Variants in RALYL observed in about 807,000 individuals in gnomAD.
RALYL encodes RNA-binding Raly-like protein.
In RALYL, 29 loss-of-function variants were observed where a neutral mutation model predicts 35.1. The ratio of observed to expected loss-of-function variants is 0.83; its 90% CI spans 0.61 to 1.13. The LOEUF is 1.13. Among genes scored for constraint, RALYL ranks in the 50% most tolerant of loss-of-function variants. The pLI, the probability that RALYL is intolerant of heterozygous loss-of-function variation, is 0.00. For missense variants in RALYL, 359 were observed against 360.4 expected (o/e 1.00, Z 0.03); for synonymous variants, 120 against 127.6 (o/e 0.94, Z 0.40).
chr8:84,768,411 C>T (rs1432514035), intron 2 of RALYL, among the ~76,000 whole-genome samples: 1 of 152,202 alleles, frequency 6.6e-6, no homozygotes, highest in Non-Finnish European at 1.5e-5. Context: ...ATTACCTGAG[C>T]TCTTTGCCCA....
chr8:84,623,936 G>A (rs188939023), intron 2 of RALYL, among the ~76,000 whole-genome samples: 6 of 152,288 alleles, frequency 3.9e-5, no homozygotes, highest in Non-Finnish European at 7.4e-5. Context: ...AGGTTGGTAG[G>A]TCTGATAGTG....
chr8:84,225,253 C>T (rs1479928855), intron 1 of RALYL, among the ~76,000 whole-genome samples: 6 of 152,180 alleles, frequency 3.9e-5, no homozygotes, highest in African/African-American at 1.4e-4. Flanking sequence ...CAAGTCATGT[C>T]ATTTCTAGCT....
At chr8:84,384,057 A>C (rs1404275624) in intron 1 of RALYL, among the ~76,000 whole-genome samples, 1 of 151,750 alleles carries the variant, frequency 6.6e-6, no homozygotes, top group African/African-American at 2.4e-5. Flanking sequence ...TTAATTGCCT[A>C]CTTTTTCCAG....
At chr8:84,670,839 C>T (rs1277085210) in intron 2 of RALYL, among the ~76,000 whole-genome samples, 1 of 152,134 alleles carries the variant, frequency 6.6e-6, no homozygotes, top group African/African-American at 2.4e-5. Context: ...TATCATTCTG[C>T]CTCTGGCCCC....
At chr8:84,390,069 G>T (rs1354293281) in intron 1 of RALYL, among the ~76,000 whole-genome samples, 3 of 151,988 alleles carry the variant, frequency 2.0e-5, no homozygotes, top group Non-Finnish European at 2.9e-5. Context: ...GTTGAATTTT[G>T]TCAAAGGCCT....
chr8:84,377,455 T>TG (rs1554640524), intron 1 of RALYL, among the ~76,000 whole-genome samples: 1 of 141,288 alleles, frequency 7.1e-6, no homozygotes, highest in Admixed American at 6.9e-5. Flanking sequence ...TTAACTGTTT[T>TG]TTTTTTTTTT....
intron 2 of RALYL, among the ~76,000 whole-genome samples, chr8:84,750,783 C>G (rs1809795465): frequency 1.3e-5 from 2 of 152,158 alleles, no homozygotes; most frequent in African/African-American, 2.4e-5. Flanking sequence ...CACCTCAAGA[C>G]TGTGCATAGG....
intron 1 of RALYL, among the ~76,000 whole-genome samples, chr8:84,441,398 G>T (rs568847608): frequency 9.9e-5 from 15 of 152,262 alleles, no homozygotes; most frequent in Non-Finnish European, 1.6e-4. Flanking sequence ...ACAGAGTCCA[G>T]TGTAGCAACT....
chr8:84,510,924 C>T (rs1437880222), intron 1 of RALYL, among the ~76,000 whole-genome samples: 1 of 152,070 alleles, frequency 6.6e-6, no homozygotes, highest in African/African-American at 2.4e-5. Context: ...ACCTCACTCA[C>T]CTATCATTTT....
intron 2 of RALYL, among the ~76,000 whole-genome samples, chr8:84,740,028 G>GA (rs953290764): frequency 1.3e-5 from 2 of 151,698 alleles, no homozygotes; most frequent in Admixed American, 1.3e-4. Context: ...AAAGCAGGAA[G>GA]AAAAAATAGA....
chr8:84,275,407 CT>C (rs1454971208), intron 1 of RALYL, among the ~76,000 whole-genome samples: 2 of 151,652 alleles, frequency 1.3e-5, no homozygotes, highest in Middle Eastern at 3.2e-3. Context: ...TCAGTACTAA[CT>C]TTTTTGTTAC....
intron 1 of RALYL, among the ~76,000 whole-genome samples, chr8:84,315,831 A>T (rs556554653): frequency 1.3e-5 from 2 of 151,786 alleles, no homozygotes; most frequent in East Asian, 1.9e-4. Context: ...AAAAAAAAAA[A>T]ACTTTCTGAA....
intron 2 of RALYL, among the ~76,000 whole-genome samples, chr8:84,560,359 T>C (rs183165388): frequency 1.5e-4 from 23 of 152,064 alleles, no homozygotes; most frequent in African/African-American, 5.3e-4. Flanking sequence ...CAACTAAATA[T>C]ACTGATAATA....
intron 1 of RALYL, among the ~76,000 whole-genome samples, chr8:84,444,253 C>G (rs2048634679): frequency 6.6e-6 from 1 of 151,970 alleles, no homozygotes; most frequent in Non-Finnish European, 1.5e-5. Context: ...CCCTTGAGTC[C>G]AGGAGTTTGA....
chr8:84,251,762 T>C (rs73299826), intron 1 of RALYL, among the ~76,000 whole-genome samples: 1,851 of 152,206 alleles, frequency 0.012, 52 homozygotes, highest in African/African-American at 0.042. Context: ...CTGTTATATT[T>C]GCTGTTTTGA....
At chr8:84,326,882 G>T (rs1845901196) in intron 1 of RALYL, among the ~76,000 whole-genome samples, 1 of 152,144 alleles carries the variant, frequency 6.6e-6, no homozygotes, top group African/African-American at 2.4e-5. Context: ...GATTTTAAAT[G>T]TAGACTTTAT....
At chr8:84,427,187 T>C (rs2046583279) in intron 1 of RALYL, among the ~76,000 whole-genome samples, 1 of 152,244 alleles carries the variant, frequency 6.6e-6, no homozygotes, top group African/African-American at 2.4e-5. Flanking sequence ...GCATGAGAGA[T>C]GACTGGTGCC....
chr8:84,630,541 A>G (rs1193365081), intron 2 of RALYL, among the ~76,000 whole-genome samples: 1 of 152,032 alleles, frequency 6.6e-6, no homozygotes, highest in African/African-American at 2.4e-5. Context: ...CGCTGCTTCC[A>G]TGTTTCTCCT....
intron 1 of RALYL, among the ~76,000 whole-genome samples, chr8:84,243,245 G>A (rs1828352266): frequency 6.6e-6 from 1 of 152,106 alleles, no homozygotes; most frequent in African/African-American, 2.4e-5. Context: ...AAGTTGGGTA[G>A]CATGATGCCT....
Sources: allele counts gnomAD v4.1 joint callset (sites outside exome capture counted in the v4.1 genomes callset), GRCh38; gene constraint gnomAD v4.1.1; transcripts MANE v1.5; gene names NCBI Gene and HGNC (gene_info 2026-07-23, HGNC 2026-07-21).